The following TEK variants were observed in gnomAD, a reference collection of about 807,000 sequenced individuals.
TEK encodes the protein angiopoietin-1 receptor.
TEK carries 43 observed loss-of-function variants against 131.8 expected under a neutral mutation model. The observed-to-expected ratio is 0.33, with a 90% CI of 0.26 to 0.42. The LOEUF (loss-of-function observed/expected upper bound fraction) is 0.42, where lower values mean the gene tolerates loss of function less well. TEK is among the 10% of genes least tolerant of loss of function. The pLI is 1.00. For missense variants in TEK, 1,162 were observed against 1,384.4 expected (o/e 0.84, Z 2.55); for synonymous variants, 580 against 491.6 (o/e 1.18, Z -2.38).
At chr9:27,217,874 T>C in intron 19 of TEK, 116 bp downstream of exon 19, 1 of 902,792 alleles carries the variant, frequency 1.1e-6, no homozygotes, top group South Asian at 1.4e-5. Context: ...CAAAGGTAAC[T>C]AAAAAGCTCA....
At chr9:27,216,284 C>A (rs1296498216) in intron 18 of TEK, among the ~76,000 whole-genome samples, 1 of 151,906 alleles carries the variant, frequency 6.6e-6, no homozygotes, top group Non-Finnish European at 1.5e-5. Flanking sequence ...GCAGAGAGAC[C>A]AGGAGAGATT....
intron 3 of TEK, 92 bp downstream of exon 3, chr9:27,168,697 G>T (rs1029203023): frequency 3.0e-6 from 3 of 1,013,796 alleles, no homozygotes; most frequent in African/African-American, 1.6e-5. Flanking sequence ...TGGTCTTGTG[G>T]GCAGATGTTT....
chr9:27,182,029 T>G (rs1353573787), intron 7 of TEK, among the ~76,000 whole-genome samples: 1 of 152,202 alleles, frequency 6.6e-6, no homozygotes, highest in Non-Finnish European at 1.5e-5. Flanking sequence ...GCCTGGACTT[T>G]ACTACAGGGC....
chr9:27,223,671 A>C (rs1397018339), intron 21 of TEK, among the ~76,000 whole-genome samples: 1 of 152,242 alleles, frequency 6.6e-6, no homozygotes, highest in Admixed American at 6.5e-5. Context: ...AGCAGGAAAG[A>C]TCTAAAATTG....
In TEK at chr9:27,225,369, A is replaced by T. The variant is rs1052070750; in HGVS notation, c.3201-2837A>T. On this transcript the variant is annotated intron_variant, in intron 21 of 22. Coordinates refer to ENST00000380036, the MANE Select transcript of TEK (RefSeq NM_000459.5). ...ACAAGGCTACAATAACCAAAACAGG[A>T]TGGTACTGGTACTAAAACAGATATA... Among the ~76,000 whole-genome samples the T allele has an allele frequency of 2.0e-5, 3 of 152,200 alleles. No homozygotes were observed. In the East Asian group the frequency reaches 5.8e-4, roughly 29 times the overall value.
intron 2 of TEK, among the ~76,000 whole-genome samples, chr9:27,168,117 C>T (rs1823805101): frequency 6.6e-6 from 1 of 152,018 alleles, no homozygotes; most frequent in Non-Finnish European, 1.5e-5. Flanking sequence ...TGGCATAATG[C>T]AAATATTTCA....
At chr9:27,173,891 C>T (rs1303181395) in intron 6 of TEK, among the ~76,000 whole-genome samples, 1 of 150,746 alleles carries the variant, frequency 6.6e-6, no homozygotes, top group Non-Finnish European at 1.5e-5. Flanking sequence ...GATTGCACCA[C>T]TACACTCCAG....
chr9:27,123,079 C>A (rs1479894394), intron 1 of TEK, among the ~76,000 whole-genome samples: 248 of 53,128 alleles, frequency 4.7e-3, no homozygotes, highest in Middle Eastern at 0.011. Context: ...AAAAAAAAAA[C>A]TGGAGGAAAG....
chr9:27,174,222 G>A (rs762973373), intron 6 of TEK, among the ~76,000 whole-genome samples: 21 of 152,260 alleles, frequency 1.4e-4, no homozygotes, highest in Admixed American at 3.9e-4. Context: ...TATTAATACT[G>A]TGAATTAGCC....
chr9:27,177,897 C>T (rs1824231087), intron 6 of TEK, among the ~76,000 whole-genome samples: 1 of 152,154 alleles, frequency 6.6e-6, no homozygotes, highest in Non-Finnish European at 1.5e-5. Context: ...GAAATACATT[C>T]TCTTGTTCCA....
Position 27,169,537 on chromosome 9 carries a change from C to A in TEK, c.536C>A (p.Pro179His). 1 of 1,614,158 alleles carries A rather than the reference C, an allele frequency of 6.2e-7. No homozygotes were observed. The highest frequency in any genetic ancestry group is 8.5e-7 in the Non-Finnish European group (1 of 1,180,008). The change falls in exon 4 of 23, where the codon CCT (proline) becomes CAT (histidine). Residue 179 changes from proline to histidine, a missense_variant. Physicochemically the swap from Pro to His is moderately conservative, Grantham distance 77. Coordinates refer to ENST00000380036, the MANE Select transcript of TEK (RefSeq NM_000459.5). ...EVPDILEVHL[P>H]HAQPQDAGVY... The stretch of plus-strand genomic sequence containing the variant: ...CCTGATATTCTAGAAGTACACCTGC[C>A]TCATGCTCAGCCCCAGGATGCTGGA...
intron 4 of TEK, among the ~76,000 whole-genome samples, chr9:27,169,874 T>C (rs766357008): frequency 9.2e-5 from 14 of 152,210 alleles, no homozygotes; most frequent in Admixed American, 4.6e-4. Flanking sequence ...AAATACTTGA[T>C]ACAGCTGGGG....
At chr9:27,136,085 A>ATTTT (rs36023271) in intron 1 of TEK, among the ~76,000 whole-genome samples, 2,928 of 136,944 alleles carry the variant, frequency 0.021, 140 homozygotes, top group African/African-American at 0.075. Context: ...CAGGGCAGTT[A>ATTTT]TTTTTTTTTT....
intron 2 of TEK, among the ~76,000 whole-genome samples, chr9:27,167,347 C>A (rs957348072): frequency 5.3e-5 from 8 of 152,158 alleles, no homozygotes; most frequent in Non-Finnish European, 1.5e-5. Flanking sequence ...CCTACCTCAG[C>A]CTCCCGAGTA....
intron 2 of TEK, among the ~76,000 whole-genome samples, chr9:27,159,239 G>A (rs923877035): frequency 1.2e-4 from 18 of 152,134 alleles, no homozygotes; most frequent in Non-Finnish European, 2.1e-4. Context: ...GTTGCCAGGA[G>A]CCTCATGTGT....
rs772964309 is a variant in TEK, at chr9:27,213,472, C to A, written c.2878-12C>A. The A allele has an allele frequency of 1.2e-6, 2 of 1,608,266 alleles. No individual in the cohort carries two copies. The highest frequency in any genetic ancestry group is 1.1e-5 in the South Asian group (1 of 90,926). ...TTAGGCTGAAAATACATAATGTTTT[C>A]AAAAATTTCAGTTTATCCACAGGGA... On this transcript the variant is annotated splice_polypyrimidine_tract_variant and intron_variant, in intron 17 of 22. Coordinates refer to ENST00000380036, the MANE Select transcript of TEK (RefSeq NM_000459.5).
chr9:27,185,550 C>T lies in TEK; in HGVS notation c.1248C>T (p.Pro416=). 3.1e-6 allele frequency: 5 copies of T among 1,613,862 alleles called. No individual in the cohort carries two copies. The highest frequency in any genetic ancestry group is 1.3e-5 in the African/African-American group (1 of 74,998). The part of the protein sequence containing the change: ...VAIFTIHRIL[P]PDSGVWVCSV... ...TATTCACCATCCACCGGATCCTCCC[C>T]CCTGACTCAGGAGTTTGGGTCTGCA... The change falls in exon 9 of 23, where the codon CCC becomes CCT. Residue 416 remains proline (P), a synonymous_variant. Transcript: ENST00000380036.
At chr9:27,139,954 C>A (rs1822661522) in intron 1 of TEK, among the ~76,000 whole-genome samples, 1 of 152,152 alleles carries the variant, frequency 6.6e-6, no homozygotes. Context: ...GTCCTGCCAC[C>A]TTGGCTTCCC....
At chr9:27,218,492 G>C (rs1825914829) in intron 19 of TEK, among the ~76,000 whole-genome samples, 1 of 152,128 alleles carries the variant, frequency 6.6e-6, no homozygotes, top group Non-Finnish European at 1.5e-5. Flanking sequence ...ACTCAGATCT[G>C]TCAAGCTCCA....
Sources: gnomAD v4.1 joint callset for allele counts (sites outside exome capture counted in the v4.1 genomes callset) on GRCh38, gnomAD v4.1.1 for gene constraint, MANE v1.5 for transcripts, NCBI Gene and HGNC (gene_info 2026-07-23, HGNC 2026-07-21) for gene names.